Variants in MBNL2 observed in about 807,000 individuals in gnomAD.
The protein encoded by MBNL2 is muscleblind like splicing regulator 2, also known as muscleblind-like protein 2.
In MBNL2, 17 loss-of-function variants were observed where a neutral mutation model predicts 41.9. The observed-to-expected ratio is 0.41, with a 90% confidence interval of 0.28 to 0.61. The LOEUF (loss-of-function observed/expected upper bound fraction) is 0.61. Ranked by LOEUF, MBNL2 falls within the 20% of genes least tolerant of loss-of-function variation. The pLI is 0.35. For synonymous variants in MBNL2, 195 were observed against 182.9 expected (o/e 1.07, Z -0.53); for missense variants, 336 against 505.6 (o/e 0.66, Z 3.22).
At position 97,332,876 on chromosome 13, in the gene MBNL2, C is replaced by T. The variant is rs1487281586; in HGVS notation, c.175-1400C>T. Among the ~76,000 whole-genome samples, 5 of 152,298 alleles carry T rather than the reference C, an allele frequency of 3.3e-5. No homozygotes were observed. In the South Asian group the frequency reaches 8.3e-4, roughly 25 times the overall value. ...TGGTTATCCTCCCCAAAGAGGGTGA[C>T]GCAACTATTAACGCTGCTAACAGTA... On this transcript the variant is annotated intron_variant, in intron 2 of 8. Coordinates refer to ENST00000679496, the MANE Select transcript of MBNL2 (RefSeq NM_001382683.1).
the MBNL2 span, among the ~76,000 whole-genome samples, chr13:97,198,637 T>C: frequency 6.6e-6 from 1 of 152,026 alleles, no homozygotes; most frequent in East Asian, 1.9e-4. Flanking sequence ...TCCCTTCCAC[T>C]CATTTTCTTT....
chr13:97,330,725 G>A (rs1566421419), intron 2 of MBNL2, among the ~76,000 whole-genome samples: 1 of 152,170 alleles, frequency 6.6e-6, no homozygotes, highest in Admixed American at 6.5e-5. Context: ...TGCATATCCT[G>A]GCAAATCTTA....
At chr13:97,357,738 A>C in intron 7 of MBNL2, 103 bp downstream of exon 7, 1 of 1,114,170 alleles carries the variant, frequency 9.0e-7, no homozygotes, top group Non-Finnish European at 1.4e-6. Context: ...TTGAAGGTAT[A>C]ATACAGTTTG....
the MBNL2 span, among the ~76,000 whole-genome samples, chr13:97,147,269 TTC>T: frequency 6.6e-6 from 1 of 152,242 alleles, no homozygotes; most frequent in African/African-American, 2.4e-5. Context: ...GGAATGTTTT[TTC>T]TCTGTCGATT....
intron 1 of MBNL2, among the ~76,000 whole-genome samples, chr13:97,253,985 G>A (rs1394660152): frequency 6.6e-6 from 1 of 152,062 alleles, no homozygotes; most frequent in Non-Finnish European, 1.5e-5. Flanking sequence ...CGCCTCCTGG[G>A]TTCAAGCGAT....
chr13:97,298,739 G>A (rs1179154479), intron 2 of MBNL2, among the ~76,000 whole-genome samples: 1 of 152,162 alleles, frequency 6.6e-6, no homozygotes, highest in Admixed American at 6.5e-5. Flanking sequence ...ATTGGTGAAT[G>A]AATATTTCAC....
chr13:97,366,794 T>G lies in MBNL2; in HGVS notation c.1048+1623T>G. On this transcript the variant is annotated intron_variant, in intron 8 of 8. Transcript: ENST00000679496. This position sits in a 1 kb window ranked among gnomAD's most constrained non-coding sequence, Gnocchi z 4.7. ...GTTTGTTTTCGTACCTAATATTGTG[T>G]AATTAACCTGACAGGCTTAAATTCC... The G allele has an allele frequency of 1.8e-6, 1 of 552,258 alleles. No homozygotes were observed. 34.2% of individuals were successfully genotyped at this position (552,258 alleles called of 1,614,324 possible).
At chr13:97,171,833 C>T in the MBNL2 span, among the ~76,000 whole-genome samples, 1 of 152,060 alleles carries the variant, frequency 6.6e-6, no homozygotes, top group African/African-American at 2.4e-5. Flanking sequence ...GGGCAGTTTC[C>T]CCAGTCTCTT....
chr13:97,381,077 C>T (rs1317338827), intron 8 of MBNL2, among the ~76,000 whole-genome samples: 2 of 150,328 alleles, frequency 1.3e-5, no homozygotes, highest in African/African-American at 2.5e-5. Flanking sequence ...CTCTCTATCT[C>T]TCCCTCTCTG....
At chr13:97,356,929 G>GATT in intron 6 of MBNL2, 80 bp downstream of exon 6, 1 of 848,748 alleles carries the variant, frequency 1.2e-6, no homozygotes, top group Non-Finnish European at 1.7e-6. Flanking sequence ...GTAAAATACT[G>GATT]GTTGCAAACA....
chr13:97,185,705 GGTC>G, the MBNL2 span, among the ~76,000 whole-genome samples: 1 of 152,304 alleles, frequency 6.6e-6, no homozygotes, highest in East Asian at 1.9e-4. Flanking sequence ...CAGGGACATG[GGTC>G]CCCCACACCT....
At chr13:97,162,881 A>G in the MBNL2 span, among the ~76,000 whole-genome samples, 1 of 152,180 alleles carries the variant, frequency 6.6e-6, no homozygotes, top group African/African-American at 2.4e-5. Context: ...TGAGTGAGAG[A>G]GATAGGAGAG....
the MBNL2 span, among the ~76,000 whole-genome samples, chr13:97,150,638 C>T: frequency 1.3e-5 from 2 of 152,134 alleles, no homozygotes; most frequent in African/African-American, 4.8e-5. Flanking sequence ...GCAGTCTTGA[C>T]CAACAATTGG....
chr13:97,298,370 G>A (rs1428320798), intron 2 of MBNL2, among the ~76,000 whole-genome samples: 1 of 152,068 alleles, frequency 6.6e-6, no homozygotes, highest in African/African-American at 2.4e-5. Flanking sequence ...TCTCTCCCTG[G>A]AATATAAGCT....
At chr13:97,260,514 G>A (rs2048409329) in intron 1 of MBNL2, among the ~76,000 whole-genome samples, 2 of 151,864 alleles carry the variant, frequency 1.3e-5, no homozygotes, top group Admixed American at 6.6e-5. Flanking sequence ...TTGCACTCAT[G>A]TTGTGAGAGA....
At chr13:97,318,714 G>T (rs1201534469) in intron 2 of MBNL2, among the ~76,000 whole-genome samples, 4 of 152,302 alleles carry the variant, frequency 2.6e-5, no homozygotes, top group South Asian at 2.1e-4. Context: ...AGAACAGCTG[G>T]GGTTTGCTGA....
chr13:97,274,985 C>T (rs1044166813), intron 1 of MBNL2, among the ~76,000 whole-genome samples: 10 of 152,112 alleles, frequency 6.6e-5, no homozygotes, highest in African/African-American at 1.2e-4. Context: ...GTCTAATATA[C>T]GCCGTAGACT....
chr13:97,282,148 A>G (rs564188464), intron 2 of MBNL2, among the ~76,000 whole-genome samples: 2 of 152,062 alleles, frequency 1.3e-5, no homozygotes, highest in African/African-American at 4.8e-5. Flanking sequence ...GCCTTGGGAG[A>G]TCAAGACCAG....
At position 97,315,945 on chromosome 13, in the gene MBNL2, A is replaced by T. The variant is rs188210188; in HGVS notation, c.175-18331A>T. 1.8e-3 allele frequency among the ~76,000 whole-genome samples: 273 copies of T among 152,270 alleles called. 3 individuals are homozygous for T. Among genetic ancestry groups the T allele is most frequent in the African/African-American group, 6.1e-3 (255 of 41,548 alleles). ...TGAGGGTTCAGTGGAGGAGAGAGAT[A>T]CACTCATGGCCATAACCAAGGGTTT... On this transcript the variant is annotated intron_variant, in intron 2 of 8. Coordinates refer to ENST00000679496, the MANE Select transcript of MBNL2 (RefSeq NM_001382683.1).
Sources: allele counts gnomAD v4.1 joint callset (sites outside exome capture counted in the v4.1 genomes callset), GRCh38; gene constraint gnomAD v4.1.1; non-coding constraint Gnocchi (gnomAD v3.1); transcripts MANE v1.5; gene names NCBI Gene and HGNC (gene_info 2026-07-23, HGNC 2026-07-21).